COQ2: variants seen among roughly 807,000 people sequenced by gnomAD.
COQ2 encodes 4-hydroxybenzoate polyprenyltransferase, mitochondrial.
In COQ2, 25 loss-of-function variants were observed where a neutral mutation model predicts 35.7. That is an observed-to-expected ratio of 0.70 (90% CI 0.51 to 0.98). The LOEUF is 0.98. Ranked by LOEUF, COQ2 falls within the 50% of genes least tolerant of loss-of-function variation. COQ2 has a pLI of 0.00. For missense variants in COQ2, 488 were observed against 473.5 expected (o/e 1.03, Z -0.28); for synonymous variants, 206 against 186.2 (o/e 1.11, Z -0.86).
At chr4:83,276,681 C>A (rs1272937960) in intron 2 of COQ2, among the ~76,000 whole-genome samples, 2 of 152,174 alleles carry the variant, frequency 1.3e-5, no homozygotes, top group Admixed American at 6.5e-5. Flanking sequence ...ATTCAACAAT[C>A]CCACTAGTGG....
chr4:83,281,713 T>A (rs1735327982), intron 1 of COQ2: 1 of 152,204 alleles, frequency 6.6e-6, no homozygotes, highest in African/African-American at 2.4e-5. Context: ...CACTTTTGAC[T>A]CTCACAACAA....
At chr4:83,278,226 A>G (rs1026537394) in intron 2 of COQ2, among the ~76,000 whole-genome samples, 1 of 152,180 alleles carries the variant, frequency 6.6e-6, no homozygotes, top group Non-Finnish European at 1.5e-5. Context: ...TAATTATGGC[A>G]TAGTTGCTAA....
At chr4:83,268,567 G>T (rs1206262136) in intron 5 of COQ2, among the ~76,000 whole-genome samples, 2 of 152,148 alleles carry the variant, frequency 1.3e-5, no homozygotes, top group Non-Finnish European at 2.9e-5. Context: ...CACCTTCAGG[G>T]TGCAAACTGT....
At chr4:83,280,016 A>G (rs1179845960) in intron 1 of COQ2, among the ~76,000 whole-genome samples, 1 of 152,120 alleles carries the variant, frequency 6.6e-6, no homozygotes, top group Non-Finnish European at 1.5e-5. Flanking sequence ...GCAAGCCACC[A>G]TGCCCAGGGA....
chr4:83,265,213 T>C (rs982007796), intron 6 of COQ2, among the ~76,000 whole-genome samples: 1 of 152,204 alleles, frequency 6.6e-6, no homozygotes, highest in Middle Eastern at 3.2e-3. Context: ...CTTACAATTA[T>C]CATGATTTCC....
chr4:83,274,645 A>G (rs1336540309), intron 2 of COQ2, among the ~76,000 whole-genome samples: 1 of 152,212 alleles, frequency 6.6e-6, no homozygotes, highest in African/African-American at 2.4e-5. Flanking sequence ...ACTATAATGT[A>G]TTAAGGTGAG....
intron 5 of COQ2, among the ~76,000 whole-genome samples, chr4:83,269,631 A>T (rs1045649838): frequency 3.3e-5 from 5 of 152,250 alleles, no homozygotes; most frequent in African/African-American, 1.2e-4. Flanking sequence ...TAAATAAAAT[A>T]AATGAGTTGA....
intron 3 of COQ2, among the ~76,000 whole-genome samples, chr4:83,272,574 TAGCTAGTCATAGAAGAGCCTAGATTCAA>T (rs1189432015): frequency 6.6e-6 from 1 of 152,210 alleles, no homozygotes; most frequent in Non-Finnish European, 1.5e-5. Context: ...AATTGTCATA[TAGCTAGTCATAGAAGAGCCTAGATTCAA>T]ACCTAAGGCA....
At chr4:83,277,851 C>T (rs1404458820) in intron 2 of COQ2, among the ~76,000 whole-genome samples, 1 of 151,892 alleles carries the variant, frequency 6.6e-6, no homozygotes, top group Non-Finnish European at 1.5e-5. Context: ...TGCCTGAAAC[C>T]CCAGCTACTC....
rs1387422392 is a variant in COQ2 at position 83,284,606 on chromosome 4, C to T, written c.159G>A (p.Gly53=). ...LQPPACPEPR[G]RQLSLSAAAV... The stretch of plus-strand genomic sequence containing the variant: ...CCGCCGCGGACAAACTGAGCTGGCG[C>T]CCGCGCGGCTCGGGACAGGCGGGGG... The change falls in exon 1 of 7, where the codon GGG becomes GGA. Residue 53 remains glycine (G), a synonymous_variant. Coordinates refer to ENST00000647002, the MANE Select transcript of COQ2 (RefSeq NM_001358921.2). 1.3e-6 allele frequency: 2 copies of T among 1,535,216 alleles called. No homozygotes were observed. Among genetic ancestry groups the T allele is most frequent in the Non-Finnish European group, 1.8e-6 (2 of 1,141,960 alleles).
intron 2 of COQ2, among the ~76,000 whole-genome samples, chr4:83,275,612 C>T (rs1735147229): frequency 6.6e-6 from 1 of 151,952 alleles, no homozygotes; most frequent in African/African-American, 2.4e-5. Context: ...GTATAATCTC[C>T]AGGTGTTTTA....
intron 6 of COQ2, among the ~76,000 whole-genome samples, chr4:83,264,938 A>G (rs916498206): frequency 9.2e-5 from 14 of 152,194 alleles, no homozygotes; most frequent in Non-Finnish European, 4.4e-5. Context: ...AGCACAAGAT[A>G]TTGACTGTAT....
At position 83,284,734 on chromosome 4, in the gene COQ2, G is replaced by T; in HGVS notation, c.31C>A (p.Arg11=). 1 of 1,522,952 alleles carries T rather than the reference G, an allele frequency of 6.6e-7. No homozygotes were observed. The highest frequency in any genetic ancestry group is 8.8e-7 in the Non-Finnish European group (1 of 1,140,910). 94.3% of individuals were successfully genotyped at this position (1,522,952 alleles called of 1,614,324 possible). The part of the protein sequence containing the change: MLGSRAAGFA[R]GLRAVALAWL... ...GCCAGTGCCACAGCCCGCAGGCCCC[G>T]CGCGAACCCCGCGGCTCGCGAGCCC... is the stretch of plus-strand genomic sequence containing the variant. The change falls in exon 1 of 7, where the codon CGG becomes AGG. Residue 11 remains arginine, a synonymous_variant. Transcript: ENST00000647002.
At position 83,277,768 on chromosome 4, in the gene COQ2, G is replaced by A. The variant is rs140676007; in HGVS notation, c.420+1180C>T. On this transcript the variant is annotated intron_variant, in intron 2 of 6. Transcript: ENST00000647002. ...GTGGATCACCTGAAGTCGGGAGTTC[G>A]AGACCAGCCTGACCAACGTGGAGAA... Among the ~76,000 whole-genome samples, 554 of 152,210 alleles carry A rather than the reference G, an allele frequency of 3.6e-3. 3 individuals carry two copies. Among genetic ancestry groups the A allele is most frequent in the African/African-American group, 0.013 (533 of 41,512 alleles).
chr4:83,272,987 G>A (rs955838469), intron 3 of COQ2, among the ~76,000 whole-genome samples: 7 of 152,092 alleles, frequency 4.6e-5, no homozygotes, highest in Non-Finnish European at 7.4e-5. Flanking sequence ...TTTGTAAACC[G>A]CAATCTGATA....
At chr4:83,281,058 A>G (rs1422186585) in intron 1 of COQ2, among the ~76,000 whole-genome samples, 1 of 152,338 alleles carries the variant, frequency 6.6e-6, no homozygotes, top group East Asian at 1.9e-4. Context: ...TCCAGGCTCA[A>G]GCAATACTTC....
chr4:83,270,149 G>C (rs1237481675), intron 4 of COQ2, among the ~76,000 whole-genome samples, 156 bp from the exon 5 acceptor site: 4 of 151,814 alleles, frequency 2.6e-5, no homozygotes, highest in Non-Finnish European at 4.4e-5. Flanking sequence ...TTCAACTCTC[G>C]GTGGTACTTA....
intron 1 of COQ2, among the ~76,000 whole-genome samples, chr4:83,279,463 C>T (rs1184158250): frequency 6.6e-6 from 1 of 152,146 alleles, no homozygotes; most frequent in Non-Finnish European, 1.5e-5. Context: ...CAAAACCCTA[C>T]ATCTGACAAC....
In COQ2 at chr4:83,264,280, TA is replaced by T; in HGVS notation, c.1034del (p.Leu345Ter). ...TCCACAAATTCCCAAGGACAATCCC[TA>T]AAAAAACTATTAGTCCCAGTGTTCG... ...SNRTLGLIVFLGIVLGNLWKE... is the reference protein window; with the variant it reads ...SNRTLGLIVFXGIVLGNLWKE... On this transcript the variant is annotated frameshift_variant, in exon 7 of 7. Transcript: ENST00000647002. LOFTEE classifies it low-confidence loss of function (END_TRUNC). 1.2e-6 allele frequency: 2 copies of T among 1,612,458 alleles called. No homozygotes were observed. Among genetic ancestry groups the T allele is most frequent in the Admixed American group, 1.7e-5 (1 of 59,798 alleles).
Sources: allele counts gnomAD v4.1 joint callset (sites outside exome capture counted in the v4.1 genomes callset), GRCh38; gene constraint gnomAD v4.1.1; transcripts MANE v1.5; gene names NCBI Gene and HGNC (gene_info 2026-07-23, HGNC 2026-07-21).